DNAAF4: variants seen among roughly 807,000 people sequenced by gnomAD.
The protein encoded by DNAAF4 is dynein axonemal assembly factor 4.
DNAAF4 carries 43 observed loss-of-function variants against 51.8 expected under a neutral mutation model. The ratio of observed to expected loss-of-function variants is 0.83; its 90% CI spans 0.65 to 1.07. DNAAF4 has a LOEUF of 1.07. Among genes scored for constraint, DNAAF4 ranks in the 50% least tolerant of loss-of-function variants. The pLI, the probability that DNAAF4 is intolerant of heterozygous loss-of-function variation, is 0.00. For synonymous variants in DNAAF4, 194 were observed against 165.6 expected (o/e 1.17, Z -1.32); for missense variants, 581 against 493.0 (o/e 1.18, Z -1.69).
intron 3 of DNAAF4, among the ~76,000 whole-genome samples, chr15:55,493,271 T>C (rs1164936772): frequency 1.3e-5 from 2 of 152,230 alleles, no homozygotes; most frequent in South Asian, 2.1e-4. Flanking sequence ...TATTTTGTTA[T>C]AGTACCCAAA....
chr15:55,472,031 G>T (rs996388732), intron 4 of DNAAF4, among the ~76,000 whole-genome samples: 13 of 151,356 alleles, frequency 8.6e-5, no homozygotes, highest in African/African-American at 3.2e-4. Context: ...GTAGAGACAG[G>T]GTTTCATCAT....
chr15:55,483,227 G>T (rs1044917952), intron 4 of DNAAF4, among the ~76,000 whole-genome samples: 16 of 151,984 alleles, frequency 1.1e-4, no homozygotes, highest in African/African-American at 3.4e-4. Context: ...CTTCCGAGTA[G>T]CTGGGACTAC....
intron 3 of DNAAF4, 144 bp from the exon 4 acceptor site, chr15:55,491,400 A>G: frequency 1.2e-6 from 1 of 811,820 alleles, no homozygotes; most frequent in Non-Finnish European, 1.9e-6. Context: ...TCAATATTAA[A>G]CTGGCCAAGA....
intron 6 of DNAAF4, among the ~76,000 whole-genome samples, chr15:55,447,232 G>A (rs12899228): frequency 0.21 from 31,907 of 148,794 alleles, 3,904 homozygotes; most frequent in Middle Eastern, 0.35. Context: ...GCCGGGCAGA[G>A]GCGCTCCCCA....
chr15:55,464,743 G>C (rs540303791), intron 5 of DNAAF4, among the ~76,000 whole-genome samples: 1 of 152,184 alleles, frequency 6.6e-6, no homozygotes, highest in Admixed American at 6.6e-5. Context: ...TGAGGCAGGC[G>C]GATCACCTGA....
chr15:55,466,562 A>C (rs1312077897), intron 5 of DNAAF4, among the ~76,000 whole-genome samples: 6 of 152,226 alleles, frequency 3.9e-5, no homozygotes, highest in African/African-American at 1.2e-4. Context: ...TCTTTTAATG[A>C]AATTCCTAGT....
intron 5 of DNAAF4, among the ~76,000 whole-genome samples, chr15:55,464,644 G>T (rs1396098691): frequency 1.3e-5 from 2 of 152,106 alleles, no homozygotes; most frequent in Non-Finnish European, 2.9e-5. Context: ...GTGGGCTAAG[G>T]ACATGAATAG....
chr15:55,445,032 C>CTTTTTTT (rs35988188), intron 6 of DNAAF4, among the ~76,000 whole-genome samples: 2 of 109,044 alleles, frequency 1.8e-5, no homozygotes, highest in African/African-American at 3.6e-5. Flanking sequence ...ATTGAATACC[C>CTTTTTTT]TTTTTTTTTT....
chr15:55,453,057 T>A (rs188405072), intron 5 of DNAAF4, among the ~76,000 whole-genome samples: 1 of 152,186 alleles, frequency 6.6e-6, no homozygotes, highest in East Asian at 1.9e-4. Flanking sequence ...GAACTCCTGA[T>A]CTCGTGAGCC....
chr15:55,483,687 C>A (rs1478825860), intron 4 of DNAAF4, among the ~76,000 whole-genome samples: 1 of 151,718 alleles, frequency 6.6e-6, no homozygotes, highest in Non-Finnish European at 1.5e-5. Context: ...ATTACAAGTG[C>A]ACACCACCAC....
At chr15:55,432,936 C>T (rs968741661) in intron 8 of DNAAF4, among the ~76,000 whole-genome samples, 7 of 150,934 alleles carry the variant, frequency 4.6e-5, no homozygotes, top group East Asian at 4.0e-4. Context: ...GGTGACAGAG[C>T]GAGAATCCGT....
rs140052131 is a variant in DNAAF4, at chr15:55,500,808, C to A, written c.-255-2224G>T. The stretch of plus-strand genomic sequence containing the variant: ...GGGAGTTCAAGACCAGCCTGACGAA[C>A]ATAGAGAAAGCTCGTTTCTACTAAA... On this transcript the variant is annotated intron_variant, in intron 1 of 9. Coordinates refer to ENST00000321149, the MANE Select transcript of DNAAF4 (RefSeq NM_130810.4). Among the ~76,000 whole-genome samples, 1,097 of 151,968 alleles carry A rather than the reference C, an allele frequency of 7.2e-3. 14 individuals are homozygous for A. Among genetic ancestry groups the A allele is most frequent in the Middle Eastern group, 0.065 (19 of 294 alleles).
intron 5 of DNAAF4, among the ~76,000 whole-genome samples, chr15:55,465,520 A>G (rs1421095427): frequency 6.6e-6 from 1 of 151,694 alleles, no homozygotes; most frequent in African/African-American, 2.4e-5. Context: ...ATTATGCTAC[A>G]TGAAGTAACT....
At chr15:55,491,407 A>G in intron 3 of DNAAF4, 151 bp from the exon 4 acceptor site, 1 of 774,710 alleles carries the variant, frequency 1.3e-6, no homozygotes, top group Non-Finnish European at 2.0e-6. Flanking sequence ...TAAACTGGCC[A>G]AGAAGCTAAT....
rs955286292 is a variant in DNAAF4 at position 55,473,243 on chromosome 15, A to G, written c.406-6082T>C. On this transcript the variant is annotated intron_variant, in intron 4 of 9. Transcript: ENST00000321149. ...TATATGTGTGTGTGTATATATATAT[A>G]TGTGTGTGTATATATATGTGTATAT... Among the ~76,000 whole-genome samples, 75 of 120,734 alleles carry G rather than the reference A, an allele frequency of 6.2e-4. 1 individual carries two copies. Among genetic ancestry groups the G allele is most frequent in the East Asian group, 3.6e-3 (12 of 3,354 alleles). The allele number at this position is 120,734 out of a possible 152,430, so 79.2% of individuals were successfully genotyped here. A position where few individuals can be genotyped will look rare whatever the true frequency, so the allele number is the denominator to read the frequency against.
At chr15:55,428,329 G>A (rs550005235), downstream of DNAAF4, among the ~76,000 whole-genome samples, 6 of 152,024 alleles carry the variant, frequency 3.9e-5, no homozygotes, top group Non-Finnish European at 7.3e-5. Context: ...GAAGGAGGTC[G>A]GCTTTGGGAA....
intron 8 of DNAAF4, among the ~76,000 whole-genome samples, chr15:55,433,995 A>ATTATAT (rs374359829): frequency 9.0e-5 from 3 of 33,290 alleles, no homozygotes; most frequent in Non-Finnish European, 1.8e-4. Context: ...TAATATATAT[A>ATTATAT]ATATTATATA....
chr15:55,422,639 C>T (rs2057397987), intron 7 of DNAAF4, among the ~76,000 whole-genome samples: 1 of 152,116 alleles, frequency 6.6e-6, no homozygotes, highest in South Asian at 2.1e-4. Context: ...GGAGATATAG[C>T]ATATGAATTG....
Position 55,498,549 on chromosome 15 carries a change from T to G in DNAAF4, c.-220A>C. ...GCCGATTCTTGGGGTTACCTTACGA[T>G]CTGAGCGAATGTTCAAAGAAGTAGA... On this transcript the variant is annotated 5_prime_UTR_variant, in exon 2 of 10. Transcript: ENST00000321149. 2.3e-6 allele frequency: 1 copy of G among 430,312 alleles called. No individual in the cohort carries two copies. The highest frequency in any genetic ancestry group is 4.0e-6 in the Non-Finnish European group (1 of 249,972). The allele number at this position is 430,312 out of a possible 1,614,324, so 26.7% of individuals were successfully genotyped here. A position where few individuals can be genotyped will look rare whatever the true frequency, so the allele number is the denominator to read the frequency against.
Sources: gnomAD v4.1 joint callset for allele counts (sites outside exome capture counted in the v4.1 genomes callset) on GRCh38, gnomAD v4.1.1 for gene constraint, MANE v1.5 for transcripts, NCBI Gene and HGNC (gene_info 2026-07-23, HGNC 2026-07-21) for gene names.